Variants in GANAB observed in about 807,000 individuals in gnomAD.
The protein encoded by GANAB is neutral alpha-glucosidase AB.
A neutral mutation model predicts 129.9 loss-of-function variants in GANAB; 35 were observed. The ratio of observed to expected loss-of-function variants is 0.27; its 90% confidence interval spans 0.21 to 0.36. The LOEUF is 0.36. GANAB is among the 10% of genes least tolerant of loss of function. The pLI, the probability that GANAB is intolerant of heterozygous loss-of-function variation, is 1.00. For missense variants in GANAB, 939 were observed against 1,221.0 expected, an observed-to-expected ratio of 0.77 and a Z score of 3.44; for synonymous variants, 482 against 451.8, an observed-to-expected ratio of 1.07 and a Z score of -0.85.
In GANAB at chr11:62,627,088, CCA is replaced by C; in HGVS notation, c.2280_2281del (p.Gly761SerfsTer17). 6.2e-7 allele frequency: 1 copy of C among 1,613,924 alleles called. No homozygotes were observed. On this transcript the variant is annotated frameshift_variant, in exon 19 of 24. Coordinates refer to ENST00000356638, the MANE Select transcript of GANAB (RefSeq NM_198334.3). LOFTEE classifies it high-confidence loss of function. ...CAGATAGACCTGGACACCATGGGCT[CCA>C]GAGTCTGATACAGGGTGAACCAGCA...
intron 18 of GANAB, 40 bp downstream of exon 18, chr11:62,627,249 G>T: frequency 7.0e-7 from 1 of 1,437,660 alleles, no homozygotes; most frequent in Non-Finnish European, 9.8e-7. Context: ...GTGCTGCTTG[G>T]CCCAAAGCCA....
intron 1 of GANAB, among the ~76,000 whole-genome samples, chr11:62,645,906 G>T (rs1448028573): frequency 2.0e-5 from 3 of 152,106 alleles, no homozygotes; most frequent in Non-Finnish European, 4.4e-5. Flanking sequence ...GATATGTTTC[G>T]AATCTTTTTT....
In GANAB at chr11:62,630,001, G is replaced by C. The variant is rs777661490; in HGVS notation, c.1594-44C>G. ...AATGGGGACAGAAGGACAGAGGGGA[G>C]GAAGAAGACAAACAGTGTCAGAGAA... is the stretch of plus-strand genomic sequence containing the variant. On this transcript the variant is annotated intron_variant, in intron 13 of 23. Coordinates refer to ENST00000356638, the MANE Select transcript of GANAB (RefSeq NM_198334.3). 1.9e-6 allele frequency: 3 copies of C among 1,597,848 alleles called. 1 individual carries two copies. The South Asian group carries it at 3.3e-5, about 18-fold the overall frequency.
rs1442499951 is a variant in GANAB at position 62,625,752 on chromosome 11, G to A, written c.*63C>T. The A allele has an allele frequency of 9.5e-7, 1 of 1,055,312 alleles. No individual in the cohort carries two copies. The highest frequency in any genetic ancestry group is 1.6e-5 in the African/African-American group (1 of 64,414). 65.4% of individuals were successfully genotyped at this position (1,055,312 alleles called of 1,614,324 possible). The stretch of plus-strand genomic sequence containing the variant: ...GGGAGGGCCGAACTCCAAGGCAGAA[G>A]AAAGAATATCTCTCAGCACTAATGC... On this transcript the variant is annotated 3_prime_UTR_variant, in exon 24 of 24. Coordinates refer to ENST00000356638, the MANE Select transcript of GANAB (RefSeq NM_198334.3).
chr11:62,646,582 T>G lies in GANAB; in HGVS notation c.18A>C (p.Ala6=). 6.2e-7 allele frequency: 1 copy of G among 1,613,826 alleles called. No homozygotes were observed. Among genetic ancestry groups the G allele is most frequent in the Non-Finnish European group, 8.5e-7 (1 of 1,179,944 alleles). Residue 6 remains alanine (A), a synonymous_variant, in exon 1 of 24, where the codon GCA becomes GCC. Coordinates refer to ENST00000356638, the MANE Select transcript of GANAB (RefSeq NM_198334.3). ...CTCACCGCCTCCTACGCGCCGCCAC[T>G]GCCGCTACCGCCGCCATCTTGTGCA... The part of the protein sequence containing the change: MAAVA[A]VAARRRRSWA...
At position 62,633,186 on chromosome 11, in the gene GANAB, T is replaced by C. The variant is rs1389547249; in HGVS notation, c.716A>G (p.Tyr239Cys). The change falls in exon 7 of 24, where the codon TAT (tyrosine) becomes TGT (cysteine). Residue 239 changes from tyrosine (Y) to cysteine (C), a missense_variant and splice_region_variant. Coordinates refer to ENST00000356638, the MANE Select transcript of GANAB (RefSeq NM_198334.3). ...TFKTHSDSKP[Y>C]GPMSVGLDFS... ...CCCAAGGAACCCGAGCCCCTCACCA[T>C]ACGGCTTGCTGTCAGAGTGAGTTTT... 2 of 1,613,542 alleles carry C rather than the reference T, an allele frequency of 1.2e-6. No homozygotes were observed. Among genetic ancestry groups the C allele is most frequent in the Non-Finnish European group, 1.7e-6 (2 of 1,179,570 alleles).
In GANAB at chr11:62,634,962, A is replaced by C; in HGVS notation, c.419T>G (p.Leu140Ter). 1.9e-6 allele frequency: 3 copies of C among 1,613,870 alleles called. No individual in the cohort carries two copies. The South Asian group carries it at 3.3e-5, about 18-fold the overall frequency. ...VSGRDENSVE[L>*]TMAEGPYKII... Reference sequence around the variant, plus strand: ...CTTGTAGGGTCCCTCAGCCATGGTTAACTCCACACTGTTCTCATCACGACC... The same window carrying C: ...CTTGTAGGGTCCCTCAGCCATGGTTCACTCCACACTGTTCTCATCACGACC... Residue 140 changes from leucine to a stop codon, truncating the protein, a stop_gained, in exon 5 of 24, where the codon TTA (leucine) becomes TGA (stop). Transcript: ENST00000356638. LOFTEE classifies it high-confidence loss of function.
chr11:62,634,740 G>A (rs945438983), intron 5 of GANAB, 81 bp downstream of exon 5: 159 of 1,175,444 alleles, frequency 1.4e-4, no homozygotes, highest in Admixed American at 1.2e-3. Context: ...TCCCACCACC[G>A]TCTCCTCCCC....
chr11:62,625,140 GA>G lies in GANAB; in HGVS notation c.*674del, dbSNP rs1402707723. 2.2e-6 allele frequency: 1 copy of G among 449,036 alleles called. No homozygotes were observed. Among genetic ancestry groups the G allele is most frequent in the Non-Finnish European group, 4.5e-6 (1 of 224,032 alleles). The allele number at this position is 449,036 out of a possible 1,614,324, so 27.8% of individuals were successfully genotyped here. A position where few individuals can be genotyped will look rare whatever the true frequency, so the allele number is the denominator to read the frequency against. On this transcript the variant is annotated 3_prime_UTR_variant, in exon 24 of 24. Transcript: ENST00000356638. ...TAATGCGCATCCCCTAAGAGGTGTG[GA>G]AACGTCTTTCTGCCGAGGGACAGAG...
At chr11:62,641,750 T>C (rs1320335179) in intron 1 of GANAB, among the ~76,000 whole-genome samples, 1 of 142,482 alleles carries the variant, frequency 7.0e-6, no homozygotes, top group Non-Finnish European at 1.6e-5. Flanking sequence ...CAGCTAATTT[T>C]TGTATTTTTG....
intron 1 of GANAB, among the ~76,000 whole-genome samples, chr11:62,644,881 C>T (rs1430095981): frequency 6.6e-6 from 1 of 151,980 alleles, no homozygotes; most frequent in Admixed American, 6.6e-5. Flanking sequence ...AATAAGGTAA[C>T]TAAAGACAGG....
intron 1 of GANAB, among the ~76,000 whole-genome samples, chr11:62,643,963 A>C (rs936066214): frequency 6.6e-6 from 1 of 152,126 alleles, no homozygotes; most frequent in Non-Finnish European, 1.5e-5. Flanking sequence ...ATTTTTTTTG[A>C]AACTGAGTTT....
rs530752893 is a variant in GANAB at position 62,626,962 on chromosome 11, C to T, written c.2323-28G>A. ...GTGAGTGACAAAAGAGGTAAGATAC[C>T]GGATCACTCAGTGCACAGGGGTCCC... On this transcript the variant is annotated intron_variant, in intron 19 of 23. Coordinates refer to ENST00000356638, the MANE Select transcript of GANAB (RefSeq NM_198334.3). 8 of 1,590,852 alleles carry T rather than the reference C, an allele frequency of 5.0e-6. No individual in the cohort carries two copies. The African/African-American group carries it at 5.4e-5, about 11-fold the overall frequency.
At chr11:62,629,552 C>T (rs1271954495) in intron 15 of GANAB, 36 bp downstream of exon 15, 1 of 1,413,100 alleles carries the variant, frequency 7.1e-7, no homozygotes, top group Non-Finnish European at 9.8e-7. Flanking sequence ...CTGGCCTTCA[C>T]ACCCTTCTGC....
chr11:62,640,441 G>A (rs1443432733), intron 1 of GANAB, among the ~76,000 whole-genome samples: 3 of 147,774 alleles, frequency 2.0e-5, no homozygotes, highest in Admixed American at 6.9e-5. Context: ...GCTGGAGCTG[G>A]AGAATGGCAT....
intron 20 of GANAB, 21 bp from the exon 21 acceptor site, chr11:62,626,705 G>C: frequency 6.6e-7 from 1 of 1,516,154 alleles, no homozygotes; most frequent in Non-Finnish European, 9.1e-7. Flanking sequence ...AGCAATGCCA[G>C]GATGAAGTTG....
chr11:62,628,149 T>C (rs966950295), intron 17 of GANAB, among the ~76,000 whole-genome samples: 50 of 150,628 alleles, frequency 3.3e-4, no homozygotes, highest in African/African-American at 1.2e-3. Context: ...TCTTCCTACA[T>C]AACATGGTCT....
Position 62,639,485 on chromosome 11 carries a change from G to A in GANAB, c.144-18C>T, listed in dbSNP as rs1355870241. 1 of 1,595,504 alleles carries A rather than the reference G, an allele frequency of 6.3e-7. No homozygotes were observed. Among genetic ancestry groups the A allele is most frequent in the Non-Finnish European group, 8.6e-7 (1 of 1,163,222 alleles). On this transcript the variant is annotated intron_variant, in intron 2 of 23. Transcript: ENST00000356638. Reference sequence around the variant, plus strand: ...TCTGTCGCCTGCCAAGTGAAGGGTTGGGAAGTAAGGTAAAGGCCACCTGCA... The same window carrying A: ...TCTGTCGCCTGCCAAGTGAAGGGTTAGGAAGTAAGGTAAAGGCCACCTGCA...
At position 62,627,297 on chromosome 11, in the gene GANAB, T is replaced by C; in HGVS notation, c.2237A>G (p.Tyr746Cys). 6.4e-7 allele frequency: 1 copy of C among 1,573,264 alleles called. No homozygotes were observed. The highest frequency in any genetic ancestry group is 8.8e-7 in the Non-Finnish European group (1 of 1,142,738). ...DVTTFNIDDQYLLGDALLVHP... is the reference protein window; with the variant it reads ...DVTTFNIDDQCLLGDALLVHP... ...CTATCCTCATTTCTCACCAAGCAAG[T>C]ACTGATCATCTATATTGAAGGTAGT... Residue 746 changes from tyrosine (Y) to cysteine (C), a missense_variant, in exon 18 of 24, where the codon TAC becomes TGC. By Grantham distance (194) the Tyr-to-Cys change is radical. Coordinates refer to ENST00000356638, the MANE Select transcript of GANAB (RefSeq NM_198334.3).
Sources: gnomAD v4.1 joint callset for allele counts (sites outside exome capture counted in the v4.1 genomes callset) on GRCh38, gnomAD v4.1.1 for gene constraint, MANE v1.5 for transcripts, NCBI Gene and HGNC (gene_info 2026-07-23, HGNC 2026-07-21) for gene names.